ACCSL: variants seen among roughly 807,000 people sequenced by gnomAD.
ACCSL encodes 1-aminocyclopropane-1-carboxylate synthase homolog (inactive) like, also known as probable inactive 1-aminocyclopropane-1-carboxylate synthase-like protein 2.
Under a neutral mutation model 61.7 loss-of-function variants are expected in ACCSL, and 55 were observed. That is an observed-to-expected ratio of 0.89 (90% CI 0.72 to 1.12). The LOEUF (loss-of-function observed/expected upper bound fraction) is 1.12. ACCSL is among the 50% of genes most tolerant of loss of function. ACCSL has a pLI of 0.00. For missense variants in ACCSL, 632 were observed against 698.0 expected, an observed-to-expected ratio of 0.91 and a Z score of 1.07; for synonymous variants, 258 against 264.3, an observed-to-expected ratio of 0.98 and a Z score of 0.23.
At chr11:44,040,951 C>T in the ACCSL span, among the ~76,000 whole-genome samples, 9,065 of 152,196 alleles carry the variant, frequency 0.06, 491 homozygotes, top group African/African-American at 0.14. Flanking sequence ...ACGTCCTACT[C>T]GTACCATCTT....
chr11:43,962,471 A>G, the ACCSL span, among the ~76,000 whole-genome samples: 1 of 152,248 alleles, frequency 6.6e-6, no homozygotes, highest in Non-Finnish European at 1.5e-5. Context: ...AGGAAAAGGC[A>G]AGTGTCTAGA....
the ACCSL span, among the ~76,000 whole-genome samples, chr11:43,932,665 G>C: frequency 6.6e-6 from 1 of 152,166 alleles, no homozygotes; most frequent in African/African-American, 2.4e-5. Flanking sequence ...CCCTTACCAA[G>C]GCTTCGTGAA....
At chr11:44,029,733 G>A in the ACCSL span, among the ~76,000 whole-genome samples, 2 of 152,114 alleles carry the variant, frequency 1.3e-5, no homozygotes, top group South Asian at 2.1e-4. Context: ...TAGAGCCCCC[G>A]ATTCTGCTTA....
chr11:43,938,159 G>A, the ACCSL span, among the ~76,000 whole-genome samples: 11 of 152,180 alleles, frequency 7.2e-5, no homozygotes, highest in Non-Finnish European at 1.2e-4. Context: ...GTCTGTCCTC[G>A]AGAACAGTGA....
chr11:43,954,896 C>T, the ACCSL span, among the ~76,000 whole-genome samples: 1 of 152,246 alleles, frequency 6.6e-6, no homozygotes, highest in East Asian at 1.9e-4. Flanking sequence ...TGTATCTTTA[C>T]TGTACATGTG....
At chr11:43,928,255 A>C in the ACCSL span, among the ~76,000 whole-genome samples, 2 of 152,238 alleles carry the variant, frequency 1.3e-5, no homozygotes, top group East Asian at 3.9e-4. Context: ...GCAGGAGTCC[A>C]AGTTTGAGGC....
intron 2 of ACCSL, 113 bp downstream of exon 2, chr11:44,050,234 G>C: frequency 1.1e-6 from 1 of 902,474 alleles, no homozygotes; most frequent in Middle Eastern, 2.2e-4. Flanking sequence ...GGGAAGAGGA[G>C]TGAAGAAATA....
chr11:43,922,202 C>A, the ACCSL span: 1 of 152,216 alleles, frequency 6.6e-6, no homozygotes, highest in Admixed American at 6.5e-5. Flanking sequence ...AATCCCTTAT[C>A]CTTCCCACAG....
At chr11:44,049,897 G>A (rs1590428659) in intron 1 of ACCSL, 165 bp from the exon 2 acceptor site, 1 of 823,096 alleles carries the variant, frequency 1.2e-6, no homozygotes. Context: ...TTTGCAAGCT[G>A]TACTATTTTG....
the ACCSL span, among the ~76,000 whole-genome samples, chr11:43,927,466 C>T: frequency 6.6e-6 from 1 of 152,234 alleles, no homozygotes; most frequent in East Asian, 1.9e-4. Flanking sequence ...CATTGCTTTA[C>T]ATATAATCAG....
At chr11:43,948,272 C>T in the ACCSL span, among the ~76,000 whole-genome samples, 1 of 152,156 alleles carries the variant, frequency 6.6e-6, no homozygotes, top group African/African-American at 2.4e-5. Context: ...TTGGGGTAGG[C>T]CTTAGGCCCT....
the ACCSL span, among the ~76,000 whole-genome samples, chr11:44,023,062 T>C: frequency 7.5e-5 from 9 of 119,526 alleles, no homozygotes; most frequent in East Asian, 1.5e-3. Context: ...TTTTTTTTTT[T>C]CGAGAAAGAG....
the ACCSL span, among the ~76,000 whole-genome samples, chr11:43,940,941 T>C: frequency 1.3e-5 from 2 of 152,184 alleles, no homozygotes; most frequent in Non-Finnish European, 1.5e-5. Context: ...TCTCAGCTCT[T>C]GCTACTTCCT....
chr11:44,054,426 AGTTT>A (rs1016724765), intron 8 of ACCSL, among the ~76,000 whole-genome samples: 2 of 148,820 alleles, frequency 1.3e-5, no homozygotes, highest in African/African-American at 4.9e-5. Context: ...TCAGAACCTT[AGTTT>A]CTTTTTTTCT....
the ACCSL span, among the ~76,000 whole-genome samples, chr11:44,002,032 G>C: frequency 1.3e-5 from 2 of 152,042 alleles, no homozygotes; most frequent in Non-Finnish European, 2.9e-5. Flanking sequence ...GCCCACCAGG[G>C]AGAGGAAAAT....
rs766148678 is a variant in ACCSL at position 44,058,566 on chromosome 11, TGAA to T, written c.1498_1500del (p.Glu500del). On this transcript the variant is annotated inframe_deletion, in exon 13 of 14. Coordinates refer to ENST00000378832, the MANE Select transcript of ACCSL (RefSeq NM_001031854.2). The stretch of plus-strand genomic sequence containing the variant: ...CCTAGTACCTGGATCCCTGTACATT[TGAA>T]GAAGAACGGCTCCTCTATTGCCGCT... The T allele has an allele frequency of 1.4e-5, 23 of 1,613,960 alleles. No homozygotes were observed. The highest frequency in any genetic ancestry group is 6.6e-5 in the South Asian group (6 of 91,064).
chr11:43,958,272 T>A, the ACCSL span, among the ~76,000 whole-genome samples: 6 of 152,180 alleles, frequency 3.9e-5, no homozygotes. Flanking sequence ...CCTTTTGGGA[T>A]GTCTTTTCAG....
chr11:44,057,083 C>G (rs1302530271), intron 11 of ACCSL, among the ~76,000 whole-genome samples: 4 of 152,154 alleles, frequency 2.6e-5, no homozygotes, highest in Non-Finnish European at 5.9e-5. Context: ...TCCAAGGTGG[C>G]CAGAGGAGAG....
At chr11:44,021,873 G>A in the ACCSL span, among the ~76,000 whole-genome samples, 1 of 152,058 alleles carries the variant, frequency 6.6e-6, no homozygotes, top group African/African-American at 2.4e-5. Flanking sequence ...GTTGAATAGG[G>A]TGTCCCTTCC....
Sources: gnomAD v4.1 joint callset for allele counts (sites outside exome capture counted in the v4.1 genomes callset) on GRCh38, gnomAD v4.1.1 for gene constraint, MANE v1.5 for transcripts, NCBI Gene and HGNC (gene_info 2026-07-23, HGNC 2026-07-21) for gene names.